Variants in PHF1 observed in about 807,000 individuals in gnomAD.
The protein encoded by PHF1 is polycomb-like 1.
A neutral mutation model predicts 69.4 loss-of-function variants in PHF1; 16 were observed. The observed-to-expected ratio is 0.23, with a 90% CI of 0.16 to 0.35. The LOEUF is 0.35. PHF1 is among the 10% of genes least tolerant of loss of function. PHF1 has a pLI of 1.00. For missense variants in PHF1, 515 were observed against 732.8 expected (o/e 0.70, Z 3.43); for synonymous variants, 274 against 275.0 (o/e 1.00, Z 0.04).
chr6:33,413,317 C>T, intron 5 of PHF1, 21 bp downstream of exon 5: 1 of 1,611,770 alleles, frequency 6.2e-7, no homozygotes, highest in South Asian at 1.1e-5. Flanking sequence ...TTCCCTGTTA[C>T]CCTTCCTGTG....
In PHF1 at chr6:33,414,070, G is replaced by A. The variant is rs1776265903; in HGVS notation, c.713G>A (p.Arg238His). 6 of 1,613,900 alleles carry A rather than the reference G, an allele frequency of 3.7e-6. No individual in the cohort carries two copies. The highest frequency in any genetic ancestry group is 2.2e-5 in the East Asian group (1 of 44,884). Reference protein sequence around the residue: ...RFYEFECCVCRGGPEKVRRLQ... With the variant: ...RFYEFECCVCHGGPEKVRRLQ... ...TATGAATTTGAATGCTGTGTGTGTCGCGGGGGCCCTGAGAAAGTCCGGAGA... is the reference window on the plus strand; with the variant it reads ...TATGAATTTGAATGCTGTGTGTGTCACGGGGGCCCTGAGAAAGTCCGGAGA... Residue 238 changes from arginine (R) to histidine (H), a missense_variant, in exon 8 of 15, where the codon CGC (arginine) becomes CAC (histidine). By Grantham distance (29) the Arg-to-His change is conservative (BLOSUM62 0). Transcript: ENST00000374516. The surrounding 1 kb of genome is among the most constrained non-coding windows in gnomAD (Gnocchi z 5.0).
At position 33,412,420 on chromosome 6, in the gene PHF1, A is replaced by C. The variant is rs1343461066; in HGVS notation, c.157A>C (p.Lys53Gln). The change falls in exon 2 of 15, where the codon AAG (lysine) becomes CAG (glutamine). Residue 53 changes from lysine to glutamine, a missense_variant and splice_region_variant. Around this residue, in one of 5 missense-constraint regions of PHF1, gnomAD observed 22 missense variants for 48.9 expected, o/e 0.45. Transcript: ENST00000374516. This position sits in a 1 kb window ranked among gnomAD's most constrained non-coding sequence, Gnocchi z 4.2. ...DGLLYLGTIK[K>Q]VDSAREVCLV... ...GCTGCTATACTTGGGTACCATCAAA[A>C]AGGTAAGACCTTCTACCTCTGACCT... is the stretch of plus-strand genomic sequence containing the variant. The C allele has an allele frequency of 6.2e-7, 1 of 1,614,204 alleles. No homozygotes were observed. The highest frequency in any genetic ancestry group is 8.5e-7 in the Non-Finnish European group (1 of 1,180,036).
chr6:33,416,366 G>A lies in PHF1; in HGVS notation c.*268G>A, dbSNP rs1254467242. 8 of 475,940 alleles carry A rather than the reference G, an allele frequency of 1.7e-5. No individual in the cohort carries two copies. Among genetic ancestry groups the A allele is most frequent in the African/African-American group, 1.2e-4 (6 of 51,112 alleles). 29.5% of individuals were successfully genotyped at this position (475,940 alleles called of 1,614,324 possible). On this transcript the variant is annotated 3_prime_UTR_variant, in exon 15 of 15. Coordinates refer to ENST00000374516, the MANE Select transcript of PHF1 (RefSeq NM_024165.3). ...TTTTTTAAAATTATTTAACCCCTGG[G>A]GGCAGAGACTGAGGAGGGAGGATGA...
At chr6:33,415,517 G>A (rs931200554) in intron 13 of PHF1, 73 bp from the exon 14 acceptor site, 25 of 1,487,224 alleles carry the variant, frequency 1.7e-5, no homozygotes, top group East Asian at 6.8e-5. Context: ...TAGTGTTTGA[G>A]CTCTGCACTT....
At chr6:33,413,332 C>A in intron 5 of PHF1, 36 bp downstream of exon 5, 2 of 1,609,776 alleles carry the variant, frequency 1.2e-6, no homozygotes, top group Middle Eastern at 1.7e-4. Context: ...CCTGTGGGAG[C>A]CTCCCATCCA....
chr6:33,414,731 T>C lies in PHF1; in HGVS notation c.951T>C (p.Ile317=). ...ATTTCTCTTCTTGCCCCAGTTTCAT[T>C]TCAGGGAGAGAGATTAAGAAGAGGA... ...SALNSHKDRF[I]SGREIKKRKC... Residue 317 remains isoleucine, a synonymous_variant, in exon 11 of 15, where the codon ATT becomes ATC. Coordinates refer to ENST00000374516, the MANE Select transcript of PHF1 (RefSeq NM_024165.3). The surrounding 1 kb of genome is among the most constrained non-coding windows in gnomAD (Gnocchi z 5.0). The C allele has an allele frequency of 6.2e-7, 1 of 1,613,008 alleles. No individual in the cohort carries two copies. The highest frequency in any genetic ancestry group is 8.5e-7 in the Non-Finnish European group (1 of 1,179,134).
chr6:33,416,333 T>G lies in PHF1; in HGVS notation c.*235T>G. 1 of 473,890 alleles carries G rather than the reference T, an allele frequency of 2.1e-6. No individual in the cohort carries two copies. The highest frequency in any genetic ancestry group is 3.7e-6 in the Non-Finnish European group (1 of 269,820). 29.4% of individuals were successfully genotyped at this position (473,890 alleles called of 1,614,324 possible). On this transcript the variant is annotated 3_prime_UTR_variant, in exon 15 of 15. Transcript: ENST00000374516. ...CTTTGATGTTATTTTGTTACAGCTT[T>G]TTAAATATTTTTTAAAATTATTTAA...
Position 33,413,850 on chromosome 6 carries a change from C to CT in PHF1, c.683+20dup. Reference sequence around the variant, plus strand: ...GGGACAGGTGAGACCAAGGCAGACTCTCTAGGAGCCAAGGATGCCCTCTTT... The same window carrying CT: ...GGGACAGGTGAGACCAAGGCAGACTCTTCTAGGAGCCAAGGATGCCCTCTTT... On this transcript the variant is annotated intron_variant, in intron 7 of 14. Transcript: ENST00000374516. 6.2e-7 allele frequency: 1 copy of CT among 1,603,948 alleles called. No individual in the cohort carries two copies. Among genetic ancestry groups the CT allele is most frequent in the Non-Finnish European group, 8.5e-7 (1 of 1,171,484 alleles).
In PHF1 at chr6:33,415,268, C is replaced by T. The variant is rs868572231; in HGVS notation, c.1273C>T (p.Gln425Ter). The change falls in exon 13 of 15, where the codon CAG becomes TAG. Residue 425 changes from glutamine to a stop codon, truncating the protein, a stop_gained. Transcript: ENST00000374516. LOFTEE classifies it high-confidence loss of function. ...SVSPPSPSPN[Q>*]SYQGSSGYNF... ...GTCTCCACCATCCCCCAGCCCTAACCAGAGTTACCAGGGCAGCAGCGGCTA... is the reference window on the plus strand; with the variant it reads ...GTCTCCACCATCCCCCAGCCCTAACTAGAGTTACCAGGGCAGCAGCGGCTA... The T allele has an allele frequency of 6.2e-7, 1 of 1,613,954 alleles. No homozygotes were observed. Among genetic ancestry groups the T allele is most frequent in the Non-Finnish European group, 8.5e-7 (1 of 1,179,926 alleles).
Position 33,416,375 on chromosome 6 carries a change from C to G in PHF1, c.*277C>G. The stretch of plus-strand genomic sequence containing the variant: ...ATTATTTAACCCCTGGGGGCAGAGA[C>G]TGAGGAGGGAGGATGATAAGGGATC... On this transcript the variant is annotated 3_prime_UTR_variant, in exon 15 of 15. Coordinates refer to ENST00000374516, the MANE Select transcript of PHF1 (RefSeq NM_024165.3). The G allele has an allele frequency of 2.1e-6, 1 of 483,030 alleles. No individual in the cohort carries two copies. The highest frequency in any genetic ancestry group is 3.7e-6 in the Non-Finnish European group (1 of 273,788). 29.9% of individuals were successfully genotyped at this position (483,030 alleles called of 1,614,324 possible).
In PHF1 at chr6:33,412,585, C is replaced by T. The variant is rs1408593622; in HGVS notation, c.237C>T (p.Ser79=). 1.9e-6 allele frequency: 3 copies of T among 1,614,124 alleles called. No homozygotes were observed. Among genetic ancestry groups the T allele is most frequent in the South Asian group, 1.1e-5 (1 of 91,084 alleles). ...SQFLVLWKDI[S]PAALPGEELL... Reference sequence around the variant, plus strand: ...TTCTGGTTCTATGGAAAGACATTAGCCCTGGTAAGACTCTAGAGACCTGAG... The same window carrying T: ...TTCTGGTTCTATGGAAAGACATTAGTCCTGGTAAGACTCTAGAGACCTGAG... The change falls in exon 3 of 15, where the codon AGC becomes AGT. Residue 79 remains serine, a synonymous_variant. Transcript: ENST00000374516. The surrounding 1 kb of genome is among the most constrained non-coding windows in gnomAD (Gnocchi z 4.2).
Position 33,415,002 on chromosome 6 carries a change from G to T in PHF1, c.1097G>T (p.Gly366Val). ...GGGGGAGGGGTCTCACGTCCCCTGG[G>T]GAAGCGCCGGAGGCCGGAGCCAGAG... ...GPGGGVSRPLGKRRRPEPEPL... is the reference protein window; with the variant it reads ...GPGGGVSRPLVKRRRPEPEPL... The change falls in exon 12 of 15, where the codon GGG becomes GTG. Residue 366 changes from glycine to valine, a missense_variant. Physicochemically the swap from Gly to Val is moderately radical, Grantham distance 109. This residue lies in a region of PHF1 where 274 missense variants were observed against 304.5 expected (regional missense o/e 0.90). Transcript: ENST00000374516. The T allele has an allele frequency of 6.4e-7, 1 of 1,561,148 alleles. No homozygotes were observed. The highest frequency in any genetic ancestry group is 2.4e-5 in the East Asian group (1 of 41,530).
chr6:33,415,940 C>T lies in PHF1; in HGVS notation c.1546C>T (p.Pro516Ser). ...TCCTAGACGCTCAGCACCCCCTTCT[C>T]CCCTGTGCCGTAGTTTGTCTCCTGG... is the stretch of plus-strand genomic sequence containing the variant. The part of the protein sequence containing the change: ...GLPRRSAPPS[P>S]LCRSLSPGTG... Residue 516 changes from proline (P) to serine (S), a missense_variant, in exon 15 of 15, where the codon CCC (proline) becomes TCC (serine). Coordinates refer to ENST00000374516, the MANE Select transcript of PHF1 (RefSeq NM_024165.3). 1.2e-6 allele frequency: 2 copies of T among 1,614,138 alleles called. No homozygotes were observed. Among genetic ancestry groups the T allele is most frequent in the South Asian group, 1.1e-5 (1 of 91,090 alleles).
Position 33,416,322 on chromosome 6 carries a change from T to G in PHF1, c.*224T>G, listed in dbSNP as rs1183472156. On this transcript the variant is annotated 3_prime_UTR_variant, in exon 15 of 15. Coordinates refer to ENST00000374516, the MANE Select transcript of PHF1 (RefSeq NM_024165.3). ...CTTCCCATTTCCTTTGATGTTATTT[T>G]GTTACAGCTTTTTAAATATTTTTTA... 1 of 477,242 alleles carries G rather than the reference T, an allele frequency of 2.1e-6. No homozygotes were observed. The highest frequency in any genetic ancestry group is 3.1e-5 in the East Asian group (1 of 32,012). 29.6% of individuals were successfully genotyped at this position (477,242 alleles called of 1,614,324 possible).
At chr6:33,415,179 G>A in intron 12 of PHF1, 35 bp downstream of exon 12, 3 of 1,613,476 alleles carry the variant, frequency 1.9e-6, no homozygotes, top group Non-Finnish European at 2.5e-6. Flanking sequence ...GGAGCAAATG[G>A]TGGGGTGTGG....
At position 33,416,116 on chromosome 6, in the gene PHF1, A is replaced by G; in HGVS notation, c.*18A>G. On this transcript the variant is annotated 3_prime_UTR_variant, in exon 15 of 15. Transcript: ENST00000374516. ...TCTTCTGAACAGCCTGCCTCTGCCC[A>G]GCTCCCCATTCACACACACCGGCAC... 6.6e-7 allele frequency: 1 copy of G among 1,516,830 alleles called. No individual in the cohort carries two copies. The highest frequency in any genetic ancestry group is 8.8e-7 in the Non-Finnish European group (1 of 1,135,454). 94.0% of individuals were successfully genotyped at this position (1,516,830 alleles called of 1,614,324 possible).
chr6:33,415,396 C>T (rs1377040582), intron 13 of PHF1, 67 bp downstream of exon 13: 3 of 1,368,400 alleles, frequency 2.2e-6, no homozygotes, highest in East Asian at 4.6e-5. Flanking sequence ...TGGACTTTAT[C>T]ACCCAGAATT....
Position 33,412,274 on chromosome 6 carries a change from C to G in PHF1, c.11C>G (p.Pro4Arg). The G allele has an allele frequency of 1.2e-6, 2 of 1,613,618 alleles. No homozygotes were observed. Among genetic ancestry groups the G allele is most frequent in the Non-Finnish European group, 1.7e-6 (2 of 1,179,928 alleles). MAQ[P>R]PRLSRSGASS... Reference sequence around the variant, plus strand: ...CCCCCCCAGGATGCAATGGCGCAGCCCCCCCGGCTGAGCCGCTCTGGTGCC... The same window carrying G: ...CCCCCCCAGGATGCAATGGCGCAGCGCCCCCGGCTGAGCCGCTCTGGTGCC... The change falls in exon 2 of 15, where the codon CCC (proline) becomes CGC (arginine). Residue 4 changes from proline to arginine, a missense_variant. Physicochemically the swap from Pro to Arg is moderately radical, Grantham distance 103. Transcript: ENST00000374516. This position sits in a 1 kb window ranked among gnomAD's most constrained non-coding sequence, Gnocchi z 4.2.
At chr6:33,410,568 C>CA (rs1775936986), upstream of PHF1, 1 of 5,318 alleles carries the variant, frequency 1.9e-4, no homozygotes, top group African/African-American at 8.7e-4. Flanking sequence ...CGACTCGTCA[C>CA]GGGGAGGGCG....
Sources: allele counts gnomAD v4.1 joint callset, GRCh38; gene constraint gnomAD v4.1.1; regional missense constraint gnomAD v4.1.1; non-coding constraint Gnocchi (gnomAD v3.1); transcripts MANE v1.5; gene names NCBI Gene and HGNC (gene_info 2026-07-23, HGNC 2026-07-21).